Variants in RABEP1 observed in about 807,000 individuals in gnomAD.
RABEP1 encodes the protein rabaptin, RAB GTPase binding effector protein 1.
In RABEP1, 51 loss-of-function variants were observed where a neutral mutation model predicts 123.4. The observed-to-expected ratio is 0.41, with a 90% confidence interval of 0.33 to 0.52. The LOEUF (loss-of-function observed/expected upper bound fraction) is 0.52, where lower values mean the gene tolerates loss of function less well. Among genes scored for constraint, RABEP1 ranks in the 20% least tolerant of loss-of-function variants. The pLI, the probability that RABEP1 is intolerant of heterozygous loss-of-function variation, is 0.16. For synonymous variants in RABEP1, 347 were observed against 355.2 expected (o/e 0.98, Z 0.26); for missense variants, 888 against 996.3 (o/e 0.89, Z 1.46).
chr17:5,375,047 G>T (rs1910876696), intron 13 of RABEP1, among the ~76,000 whole-genome samples: 1 of 151,760 alleles, frequency 6.6e-6, no homozygotes, highest in African/African-American at 2.4e-5. Context: ...AAAGTGCTGG[G>T]ATTGCAGGCA....
intron 11 of RABEP1, among the ~76,000 whole-genome samples, chr17:5,366,567 T>C (rs1910011539): frequency 6.6e-6 from 1 of 152,010 alleles, no homozygotes; most frequent in African/African-American, 2.4e-5. Context: ...TGCCTCAGCC[T>C]CCTGAGTAGC....
At chr17:5,352,333 C>A (rs978587740) in intron 7 of RABEP1, among the ~76,000 whole-genome samples, 1 of 151,872 alleles carries the variant, frequency 6.6e-6, no homozygotes, top group South Asian at 2.1e-4. Context: ...GCTGGGACTA[C>A]AGGCGTGTGC....
At chr17:5,326,092 C>CT (rs1322429301) in intron 2 of RABEP1, among the ~76,000 whole-genome samples, 2 of 152,296 alleles carry the variant, frequency 1.3e-5, no homozygotes, top group African/African-American at 4.8e-5. Context: ...TTAGTGCTTT[C>CT]TTACAAAACT....
Position 5,308,604 on chromosome 17 carries a change from A to G in RABEP1, c.35-90A>G, listed in dbSNP as rs545097440. The G allele has an allele frequency of 9.0e-5, 101 of 1,120,884 alleles. 1 individual carries two copies. In the South Asian group the frequency reaches 1.8e-3, roughly 20 times the overall value. The allele number at this position is 1,120,884 out of a possible 1,614,324, so 69.4% of individuals were successfully genotyped here. A position where few individuals can be genotyped will look rare whatever the true frequency, so the allele number is the denominator to read the frequency against. On this transcript the variant is annotated intron_variant, in intron 1 of 17. Transcript: ENST00000537505. The stretch of plus-strand genomic sequence containing the variant: ...AGAAGCTTGACTACTTGTTTCACGT[A>G]TAGCAATGTACAGCTAGAATACTAA...
chr17:5,323,857 G>A (rs555025969), intron 2 of RABEP1, among the ~76,000 whole-genome samples: 34 of 111,274 alleles, frequency 3.1e-4, no homozygotes, highest in Admixed American at 7.6e-4. Context: ...TATATATCTA[G>A]GAATATATAT....
intron 17 of RABEP1, among the ~76,000 whole-genome samples, chr17:5,382,706 CATGCCACTGCACTCCAGCCTGG>C (rs1911580692): frequency 6.6e-6 from 1 of 152,048 alleles, no homozygotes; most frequent in Non-Finnish European, 1.5e-5. Flanking sequence ...GAGCCAAGAT[CATGCCACTGCACTCCAGCCTGG>C]GTGACGGAGC....
At chr17:5,349,787 G>A (rs1329344241) in intron 6 of RABEP1, among the ~76,000 whole-genome samples, 3 of 151,568 alleles carry the variant, frequency 2.0e-5, no homozygotes, top group Non-Finnish European at 2.9e-5. Flanking sequence ...AGAAAACATA[G>A]ACATAATTAA....
intron 5 of RABEP1, among the ~76,000 whole-genome samples, chr17:5,344,437 C>A (rs112888134): frequency 0.14 from 20,720 of 151,888 alleles, 1,475 homozygotes; most frequent in East Asian, 0.18. Context: ...GACTCTCTCT[C>A]AAAATTGCCA....
chr17:5,368,468 G>A lies in RABEP1; in HGVS notation c.1884G>A (p.Met628Ile), dbSNP rs61735455. The change falls in exon 12 of 18, where the codon ATG (methionine) becomes ATA (isoleucine). Residue 628 changes from methionine (M) to isoleucine (I), a missense_variant and splice_region_variant. Coordinates refer to ENST00000537505, the MANE Select transcript of RABEP1 (RefSeq NM_004703.6). ...CAAAGAGGGATGTTCAGGAACAGAT[G>A]GTAAGTTTACATTTTAAGTAAATGA... ...SQAKRDVQEQMAVLMQSREQV... is the reference protein window; with the variant it reads ...SQAKRDVQEQIAVLMQSREQV... 6.2e-6 allele frequency: 10 copies of A among 1,604,428 alleles called. No individual in the cohort carries two copies. Among genetic ancestry groups the A allele is most frequent in the Middle Eastern group, 1.6e-4 (1 of 6,062 alleles).
chr17:5,361,668 A>G lies in RABEP1; in HGVS notation c.1556A>G (p.Gln519Arg), dbSNP rs748583960. ...AGTGAAACAGAATGGAATCTCTTGC[A>G]GAAAGAGGTGAGTTACCTTTCTCAC... ...LVSETEWNLL[Q>R]KEVHNAGNKL... Residue 519 changes from glutamine (Q) to arginine (R), a missense_variant, in exon 9 of 18, where the codon CAG becomes CGG. Physicochemically the swap from Gln to Arg is conservative, Grantham distance 43. Transcript: ENST00000537505. 1.2e-6 allele frequency: 2 copies of G among 1,601,574 alleles called. No individual in the cohort carries two copies. The highest frequency in any genetic ancestry group is 1.7e-6 in the Non-Finnish European group (2 of 1,174,336).
chr17:5,338,821 T>C (rs1312153310), intron 5 of RABEP1, among the ~76,000 whole-genome samples: 1 of 152,154 alleles, frequency 6.6e-6, no homozygotes, highest in African/African-American at 2.4e-5. Flanking sequence ...GTAGCTATAG[T>C]ATTGCTGAAT....
intron 2 of RABEP1, among the ~76,000 whole-genome samples, chr17:5,309,377 CG>C (rs2075212842): frequency 1.3e-5 from 2 of 152,104 alleles, no homozygotes; most frequent in South Asian, 4.1e-4. Flanking sequence ...AGGCTGGGCG[CG>C]GTGGCTCACA....
At chr17:5,337,253 G>A (rs538560452) in intron 4 of RABEP1, among the ~76,000 whole-genome samples, 1 of 152,216 alleles carries the variant, frequency 6.6e-6, no homozygotes, top group East Asian at 1.9e-4. Flanking sequence ...TTGGATGGAA[G>A]CCTTTTTATA....
intron 7 of RABEP1, among the ~76,000 whole-genome samples, chr17:5,350,985 A>G (rs1217380910): frequency 6.6e-6 from 1 of 152,116 alleles, no homozygotes; most frequent in Non-Finnish European, 1.5e-5. Context: ...ATGCGGCCCA[A>G]CACAAATTTG....
At chr17:5,337,490 C>A (rs1355939602) in intron 4 of RABEP1, among the ~76,000 whole-genome samples, 1 of 151,896 alleles carries the variant, frequency 6.6e-6, no homozygotes, top group Non-Finnish European at 1.5e-5. Flanking sequence ...TCGAGACCAT[C>A]CTGGCTAACA....
rs2144745754 is a variant in RABEP1 at position 5,383,577 on chromosome 17, A to C, written c.*354A>C. On this transcript the variant is annotated 3_prime_UTR_variant, in exon 18 of 18. Coordinates refer to ENST00000537505, the MANE Select transcript of RABEP1 (RefSeq NM_004703.6). ...AAAGCGACATCCCAGTAGTGTTTGG[A>C]ATTTTCTGTTCATAGATATTGGAAG... is the stretch of plus-strand genomic sequence containing the variant. 2 of 287,998 alleles carry C rather than the reference A, an allele frequency of 6.9e-6. No homozygotes were observed. Among genetic ancestry groups the C allele is most frequent in the East Asian group, 1.0e-4 (2 of 19,450 alleles). 17.8% of individuals were successfully genotyped at this position (287,998 alleles called of 1,614,324 possible). A position where few individuals can be genotyped will look rare whatever the true frequency, so the allele number is the denominator to read the frequency against.
In RABEP1 at chr17:5,384,918, A is replaced by G. The variant is rs1370411463; in HGVS notation, c.*1695A>G. ...AGACTAGTCCCTTGGATAAGCCCCA[A>G]GCGAATTTGTCTTCAGATTATTAAA... On this transcript the variant is annotated 3_prime_UTR_variant, in exon 18 of 18. Transcript: ENST00000537505. 3 of 224,540 alleles carry G rather than the reference A, an allele frequency of 1.3e-5. No homozygotes were observed. The highest frequency in any genetic ancestry group is 5.7e-5 in the Admixed American group (1 of 17,500). The allele number at this position is 224,540 out of a possible 1,614,324, so 13.9% of individuals were successfully genotyped here.
rs561893200 is a variant in RABEP1 at position 5,374,123 on chromosome 17, A to G, written c.2025+669A>G. On this transcript the variant is annotated intron_variant, in intron 13 of 17. Transcript: ENST00000537505. ...TATCTGTCACCCAGGCTGGAGTGCA[A>G]TGGCATCATCTCTGCTCACTGCAAC... 6.1e-3 allele frequency among the ~76,000 whole-genome samples: 923 copies of G among 150,866 alleles called. 7 individuals carry two copies. Among genetic ancestry groups the G allele is most frequent in the African/African-American group, 0.021 (874 of 40,920 alleles).
chr17:5,353,860 TATGA>T (rs1410982457), intron 7 of RABEP1, among the ~76,000 whole-genome samples: 1 of 152,132 alleles, frequency 6.6e-6, no homozygotes, highest in Non-Finnish European at 1.5e-5. Context: ...GGCACATGCC[TATGA>T]TTCCAGCTAT....
Sources: allele counts gnomAD v4.1 joint callset (sites outside exome capture counted in the v4.1 genomes callset), GRCh38; gene constraint gnomAD v4.1.1; transcripts MANE v1.5; gene names NCBI Gene and HGNC (gene_info 2026-07-23, HGNC 2026-07-21).